CNTD1: variants seen among roughly 807,000 people sequenced by gnomAD.
The protein encoded by CNTD1 is cyclin N-terminal domain-containing protein 1.
A neutral mutation model predicts 36.3 loss-of-function variants in CNTD1; 17 were observed. That is an observed-to-expected ratio of 0.47 (90% CI 0.32 to 0.70). The LOEUF is 0.70. CNTD1 is among the 30% of genes least tolerant of loss of function. The probability of loss-of-function intolerance (pLI) is 0.03; values close to 1 mark genes in which losing one functional copy is unlikely to be tolerated. For missense variants in CNTD1, 338 were observed against 386.1 expected, an observed-to-expected ratio of 0.88 and a Z score of 1.04; for synonymous variants, 128 against 153.3, an observed-to-expected ratio of 0.83 and a Z score of 1.22.
At chr17:42,802,450 C>T (rs2054811265) in intron 1 of CNTD1, among the ~76,000 whole-genome samples, 1 of 152,134 alleles carries the variant, frequency 6.6e-6, no homozygotes, top group African/African-American at 2.4e-5. Context: ...CAAACCAAAA[C>T]TTAACAACTG....
Position 42,799,165 on chromosome 17 carries a change from C to T in CNTD1, c.98C>T (p.Ala33Val). The change falls in exon 1 of 7, where the codon GCC (alanine) becomes GTC (valine). Residue 33 changes from alanine to valine, a missense_variant. By Grantham distance (64) the Ala-to-Val change is moderately conservative (BLOSUM62 0). Coordinates refer to ENST00000588408, the MANE Select transcript of CNTD1 (RefSeq NM_173478.3). ...ATTGAAGACGCCCTGCTTCACTTGG[C>T]CCAGCAGAATGAGCAAGCAGTGAGG... ...ETIEDALLHL[A>V]QQNEQAVREA... 6.2e-7 allele frequency: 1 copy of T among 1,614,058 alleles called. No homozygotes were observed. The highest frequency in any genetic ancestry group is 8.5e-7 in the Non-Finnish European group (1 of 1,179,988).
Position 42,805,735 on chromosome 17 carries a change from T to C in CNTD1, c.431T>C (p.Ile144Thr). The change falls in exon 4 of 7, where the codon ATT (isoleucine) becomes ACT (threonine). Residue 144 changes from isoleucine to threonine, a missense_variant. Physicochemically the swap from Ile to Thr is moderately conservative, Grantham distance 89. Coordinates refer to ENST00000588408, the MANE Select transcript of CNTD1 (RefSeq NM_173478.3). ...LSFRNKIISNITVLNFLQALG... is the reference protein window; with the variant it reads ...LSFRNKIISNTTVLNFLQALG... Reference sequence around the variant, plus strand: ...TTCTTTGCTCAGATAATCAGCAACATTACAGTCTTGAATTTCCTCCAGGCT... The same window carrying C: ...TTCTTTGCTCAGATAATCAGCAACACTACAGTCTTGAATTTCCTCCAGGCT... 1 of 1,612,320 alleles carries C rather than the reference T, an allele frequency of 6.2e-7. No individual in the cohort carries two copies. The highest frequency in any genetic ancestry group is 8.5e-7 in the Non-Finnish European group (1 of 1,179,216).
intron 2 of CNTD1, 39 bp from the exon 3 acceptor site, chr17:42,804,186 G>GT: frequency 6.4e-7 from 1 of 1,571,822 alleles, no homozygotes; most frequent in East Asian, 2.3e-5. Flanking sequence ...TTTAGTTTGT[G>GT]TGAGTGAGGA....
At position 42,798,935 on chromosome 17, in the gene CNTD1, A is replaced by G. The variant is rs572349256; in HGVS notation, c.-133A>G. ...CTGTGGTGGTAATTGGGTTTTCCTCAGACTTGAGGCGACGACACACTCATT... is the reference window on the plus strand; with the variant it reads ...CTGTGGTGGTAATTGGGTTTTCCTCGGACTTGAGGCGACGACACACTCATT... On this transcript the variant is annotated 5_prime_UTR_variant, in exon 1 of 7. Coordinates refer to ENST00000588408, the MANE Select transcript of CNTD1 (RefSeq NM_173478.3). 3.2e-5 allele frequency: 46 copies of G among 1,457,378 alleles called. No homozygotes were observed. The South Asian group carries it at 6.5e-4, about 21-fold the overall frequency. The allele number at this position is 1,457,378 out of a possible 1,614,324, so 90.3% of individuals were successfully genotyped here.
chr17:42,809,309 G>A (rs2054943175), intron 6 of CNTD1, 56 bp from the exon 7 acceptor site: 1 of 1,432,678 alleles, frequency 7.0e-7, no homozygotes. Flanking sequence ...GTGTGTTTGT[G>A]CACTAAAATG....
chr17:42,802,791 G>C (rs2054817817), intron 1 of CNTD1, among the ~76,000 whole-genome samples: 1 of 152,170 alleles, frequency 6.6e-6, no homozygotes, highest in African/African-American at 2.4e-5. Flanking sequence ...TCAGTCTGTA[G>C]GAGCTTTCTT....
intron 1 of CNTD1, among the ~76,000 whole-genome samples, chr17:42,801,507 AAAAATAT>A (rs1333593022): frequency 9.0e-5 from 5 of 55,360 alleles, no homozygotes; most frequent in African/African-American, 1.2e-4. Flanking sequence ...AAAAAAAAAA[AAAAATAT>A]ATATATATAT....
chr17:42,804,513 A>C, intron 3 of CNTD1, 117 bp downstream of exon 3: 4 of 987,596 alleles, frequency 4.1e-6, no homozygotes, highest in Non-Finnish European at 5.9e-6. Context: ...ATAAATTACA[A>C]AGTAAAAACA....
Position 42,798,996 on chromosome 17 carries a change from C to T in CNTD1, c.-72C>T. The stretch of plus-strand genomic sequence containing the variant: ...GAGGAATCCAGGGTGTGGCAGAAGA[C>T]TGGAGAGGAGCTAAGGGGGTCGGTA... On this transcript the variant is annotated 5_prime_UTR_variant, in exon 1 of 7. Transcript: ENST00000588408. 6.4e-7 allele frequency: 1 copy of T among 1,560,598 alleles called. No homozygotes were observed. The highest frequency in any genetic ancestry group is 8.7e-7 in the Non-Finnish European group (1 of 1,154,698).
intron 6 of CNTD1, among the ~76,000 whole-genome samples, chr17:42,808,583 C>T (rs1023658986): frequency 4.0e-5 from 6 of 149,672 alleles, no homozygotes; most frequent in African/African-American, 7.4e-5. Context: ...AAAAATTAGC[C>T]GGGCATGGTG....
rs573872340 is a variant in CNTD1, at chr17:42,811,078, A to C, written c.*1543A>C. On this transcript the variant is annotated 3_prime_UTR_variant, in exon 7 of 7. Transcript: ENST00000588408. ...ATAGTGTATTTTGGATTTGCTTGAA[A>C]GCCAAAAATCAAGAAGACTGTCACA... The C allele has an allele frequency of 2.9e-5, 23 of 802,984 alleles. No individual in the cohort carries two copies. In the South Asian group the frequency reaches 5.0e-4, roughly 18 times the overall value. 49.7% of individuals were successfully genotyped at this position (802,984 alleles called of 1,614,324 possible).
chr17:42,806,881 A>G, intron 5 of CNTD1, 63 bp downstream of exon 5: 1 of 1,521,554 alleles, frequency 6.6e-7, no homozygotes, highest in Non-Finnish European at 9.0e-7. Flanking sequence ...AGACCACAAG[A>G]ACTTGGGGAA....
chr17:42,809,599 A>G lies in CNTD1; in HGVS notation c.*64A>G. On this transcript the variant is annotated 3_prime_UTR_variant, in exon 7 of 7. Transcript: ENST00000588408. ...ACTGCACTCATGCCTCCCTCTGTTTACTTTCATACTAAGGGTACAAAAATT... is the reference window on the plus strand; with the variant it reads ...ACTGCACTCATGCCTCCCTCTGTTTGCTTTCATACTAAGGGTACAAAAATT... 7.0e-7 allele frequency: 1 copy of G among 1,432,354 alleles called. No homozygotes were observed. 88.7% of individuals were successfully genotyped at this position (1,432,354 alleles called of 1,614,324 possible).
chr17:42,811,495 T>C lies in CNTD1; in HGVS notation c.*1960T>C, dbSNP rs964170354. 1.6e-5 allele frequency: 14 copies of C among 864,384 alleles called. No individual in the cohort carries two copies. The highest frequency in any genetic ancestry group is 2.3e-5 in the Non-Finnish European group (13 of 577,254). The allele number at this position is 864,384 out of a possible 1,614,324, so 53.5% of individuals were successfully genotyped here. A position where few individuals can be genotyped will look rare whatever the true frequency, so the allele number is the denominator to read the frequency against. On this transcript the variant is annotated 3_prime_UTR_variant, in exon 7 of 7. Transcript: ENST00000588408. ...ACTAGGTGGTCACATTCTGTCCTGC[T>C]TGCAGTACTGGGTCAGTCTCTGCCC...
intron 1 of CNTD1, among the ~76,000 whole-genome samples, chr17:42,799,534 C>T (rs934688732): frequency 6.6e-6 from 1 of 150,816 alleles, no homozygotes; most frequent in Non-Finnish European, 1.5e-5. Flanking sequence ...GGAGGTTCAC[C>T]TGAGGTCAGG....
intron 4 of CNTD1, among the ~76,000 whole-genome samples, chr17:42,806,326 C>T (rs916026498): frequency 1.3e-5 from 2 of 151,912 alleles, no homozygotes; most frequent in Non-Finnish European, 2.9e-5. Context: ...ATGACTGAAA[C>T]AGGTGTTCCC....
At chr17:42,799,588 C>G (rs2054738173) in intron 1 of CNTD1, among the ~76,000 whole-genome samples, 1 of 151,094 alleles carries the variant, frequency 6.6e-6, no homozygotes, top group Admixed American at 6.6e-5. Context: ...CCTGTCTCTA[C>G]TAAAAGTACA....
At chr17:42,808,583 CG>C (rs1025860585) in intron 6 of CNTD1, among the ~76,000 whole-genome samples, 7 of 149,674 alleles carry the variant, frequency 4.7e-5, no homozygotes, top group African/African-American at 1.7e-4. Context: ...AAAAATTAGC[CG>C]GGCATGGTGG....
intron 3 of CNTD1, among the ~76,000 whole-genome samples, 178 bp downstream of exon 3, chr17:42,804,574 G>A (rs1194624617): frequency 2.0e-5 from 3 of 152,110 alleles, no homozygotes; most frequent in African/African-American, 4.8e-5. Flanking sequence ...TTGGGAGGCC[G>A]AGGCAGGTGG....
Sources: gnomAD v4.1 joint callset for allele counts (sites outside exome capture counted in the v4.1 genomes callset) on GRCh38, gnomAD v4.1.1 for gene constraint, MANE v1.5 for transcripts, NCBI Gene and HGNC (gene_info 2026-07-23, HGNC 2026-07-21) for gene names.